PDCD11: variants seen among roughly 807,000 people sequenced by gnomAD.
The protein encoded by PDCD11 is protein RRP5 homolog.
In PDCD11, 97 loss-of-function variants were observed where a neutral mutation model predicts 198.9. The observed-to-expected ratio is 0.49, with a 90% CI of 0.41 to 0.58. The LOEUF (loss-of-function observed/expected upper bound fraction) is 0.58. PDCD11 is among the 20% of genes least tolerant of loss of function. The pLI is 0.00. For missense variants in PDCD11, 2,102 were observed against 2,312.7 expected (o/e 0.91, Z 1.87); for synonymous variants, 893 against 918.0 (o/e 0.97, Z 0.49).
chr10:103,403,037 T>G (rs1359217075), intron 3 of PDCD11, 81 bp from the exon 4 acceptor site: 1 of 1,325,980 alleles, frequency 7.5e-7, no homozygotes, highest in Non-Finnish European at 1.1e-6. Flanking sequence ...GCTTTTAAAT[T>G]GACACTAGAA....
chr10:103,411,053 C>T (rs1347873562), intron 8 of PDCD11, among the ~76,000 whole-genome samples: 1 of 149,696 alleles, frequency 6.7e-6, no homozygotes, highest in South Asian at 2.1e-4. Flanking sequence ...CCAGCCTGAG[C>T]GACAGAGTGA....
chr10:103,426,703 T>C (rs2031708778), intron 20 of PDCD11, among the ~76,000 whole-genome samples: 1 of 151,824 alleles, frequency 6.6e-6, no homozygotes, highest in African/African-American at 2.4e-5. Flanking sequence ...GGAGAATCAC[T>C]TGAACTCAGG....
chr10:103,398,764 A>T (rs1435785716), intron 2 of PDCD11, among the ~76,000 whole-genome samples: 1 of 152,214 alleles, frequency 6.6e-6, no homozygotes, highest in Non-Finnish European at 1.5e-5. Flanking sequence ...CATGCCTGTA[A>T]TCCCAGCAGT....
intron 30 of PDCD11, among the ~76,000 whole-genome samples, chr10:103,441,069 GAATTA>G (rs1002476718): frequency 5.9e-5 from 9 of 152,168 alleles, no homozygotes; most frequent in African/African-American, 2.2e-4. Context: ...GGGTGGAACT[GAATTA>G]AATTAGGAGG....
intron 19 of PDCD11, 81 bp downstream of exon 19, chr10:103,423,739 C>T: frequency 1.1e-6 from 1 of 908,816 alleles, no homozygotes; most frequent in South Asian, 1.4e-5. Context: ...GATTCCAACT[C>T]AGATGCCTGT....
At position 103,416,561 on chromosome 10, in the gene PDCD11, T is replaced by G; in HGVS notation, c.1589T>G (p.Leu530Arg). ...AAAAAAACCCTGATTGAGTCCAAAC[T>G]ACCTGTCATTACCTGCTATGCCGAT... Reference protein sequence around the residue: ...TLKKTLIESKLPVITCYADAK... With the variant: ...TLKKTLIESKRPVITCYADAK... The change falls in exon 13 of 36, where the codon CTA (leucine) becomes CGA (arginine). Residue 530 changes from leucine (L) to arginine (R), a missense_variant. Leu to Arg is a moderately radical substitution (Grantham distance 102). Coordinates refer to ENST00000369797, the MANE Select transcript of PDCD11 (RefSeq NM_014976.2). 6.2e-7 allele frequency: 1 copy of G among 1,614,162 alleles called. No homozygotes were observed.
intron 31 of PDCD11, 45 bp downstream of exon 31, chr10:103,442,020 G>T (rs1249933754): frequency 1.2e-6 from 2 of 1,609,834 alleles, no homozygotes; most frequent in Admixed American, 3.3e-5. Context: ...GGACCCCTTG[G>T]TGTCAGTCTC....
chr10:103,411,036 C>A lies in PDCD11; in HGVS notation c.978+1230C>A, dbSNP rs374620139. On this transcript the variant is annotated intron_variant, in intron 8 of 35. Coordinates refer to ENST00000369797, the MANE Select transcript of PDCD11 (RefSeq NM_014976.2). Reference sequence around the variant, plus strand: ...GTTGCAGTGAGCCGAGATTGTGCCACTGCACCCCAGCCTGAGCGACAGAGT... The same window carrying A: ...GTTGCAGTGAGCCGAGATTGTGCCAATGCACCCCAGCCTGAGCGACAGAGT... Among the ~76,000 whole-genome samples the A allele has an allele frequency of 6.0e-5, 9 of 151,236 alleles. No homozygotes were observed. The East Asian group carries it at 1.2e-3, about 20-fold the overall frequency.
chr10:103,438,660 T>A (rs1383659849), intron 26 of PDCD11, 26 bp from the exon 27 acceptor site: 1 of 1,613,936 alleles, frequency 6.2e-7, no homozygotes, highest in Non-Finnish European at 8.5e-7. Flanking sequence ...GTTAAAGGTG[T>A]GCATGTAAGC....
rs558446728 is a variant in PDCD11, at chr10:103,423,641, A to T, written c.2746A>T (p.Asn916Tyr). Residue 916 changes from asparagine (N) to tyrosine (Y), a missense_variant, in exon 19 of 36, where the codon AAT becomes TAT. Physicochemically the swap from Asn to Tyr is moderately radical, Grantham distance 143. Transcript: ENST00000369797. Reference protein sequence around the residue: ...VHVSLHQDLVNRKARKLRKGS... With the variant: ...VHVSLHQDLVYRKARKLRKGS... ...CGTTTCCCTTCACCAGGACTTGGTG[A>T]ATAGAAAAGCTAGAAAGGTAAGCTT... 1 of 1,610,138 alleles carries T rather than the reference A, an allele frequency of 6.2e-7. No individual in the cohort carries two copies. Among genetic ancestry groups the T allele is most frequent in the African/African-American group, 1.3e-5 (1 of 74,984 alleles).
rs770948565 is a variant in PDCD11 at position 103,417,889 on chromosome 10, C to T, written c.1868C>T (p.Ala623Val). 1 of 1,614,132 alleles carries T rather than the reference C, an allele frequency of 6.2e-7. No individual in the cohort carries two copies. Among genetic ancestry groups the T allele is most frequent in the Admixed American group, 1.7e-5 (1 of 60,012 alleles). ...GATCCAGAGCCAAAGAAAGAGCCTG[C>T]AGGACACAGTCAGAAGAAAGGAAAA... ...SSDPEPKKEP[A>V]GHSQKKGKAI... is the part of the protein sequence containing the mutation. Residue 623 changes from alanine to valine, a missense_variant, in exon 14 of 36, where the codon GCA becomes GTA. Transcript: ENST00000369797.
At position 103,419,770 on chromosome 10, in the gene PDCD11, C is replaced by T. The variant is rs1052740949; in HGVS notation, c.2277+62C>T. 3.2e-5 allele frequency: 46 copies of T among 1,455,944 alleles called. 1 individual carries two copies. In the Middle Eastern group the frequency reaches 1.5e-3, roughly 47 times the overall value. The allele number at this position is 1,455,944 out of a possible 1,614,324, so 90.2% of individuals were successfully genotyped here. Reference sequence around the variant, plus strand: ...GATACAAGGTCACAGAACCTGAGGGCGGGTAGGGAGGAGTAGGATACTTTA... The same window carrying T: ...GATACAAGGTCACAGAACCTGAGGGTGGGTAGGGAGGAGTAGGATACTTTA... On this transcript the variant is annotated intron_variant, in intron 16 of 35. Coordinates refer to ENST00000369797, the MANE Select transcript of PDCD11 (RefSeq NM_014976.2).
intron 21 of PDCD11, among the ~76,000 whole-genome samples, chr10:103,429,640 A>T (rs772193195): frequency 8.5e-5 from 13 of 152,154 alleles, no homozygotes; most frequent in African/African-American, 2.7e-4. Flanking sequence ...TGTAATTTTT[A>T]AAATTACTAT....
Position 103,444,541 on chromosome 10 carries a change from C to T in PDCD11, c.5303C>T (p.Ala1768Val). 1.2e-6 allele frequency: 2 copies of T among 1,614,128 alleles called. No homozygotes were observed. The highest frequency in any genetic ancestry group is 1.7e-6 in the Non-Finnish European group (2 of 1,179,994). The change falls in exon 35 of 36, where the codon GCC becomes GTC. Residue 1768 changes from alanine to valine, a missense_variant. Physicochemically the swap from Ala to Val is moderately conservative, Grantham distance 64 (BLOSUM62 0). Transcript: ENST00000369797. ...KEHVDVIAKF[A>V]QLEFQLGDAE... ...GATGTGGATGTCATTGCCAAGTTTG[C>T]CCAGCTTGAGTTTCAGCTGGGGGAT... is the stretch of plus-strand genomic sequence containing the variant.
chr10:103,434,969 T>C lies in PDCD11; in HGVS notation c.3839T>C (p.Val1280Ala), dbSNP rs1207744879. The C allele has an allele frequency of 1.6e-5, 25 of 1,552,534 alleles. No individual in the cohort carries two copies. The highest frequency in any genetic ancestry group is 2.1e-5 in the Non-Finnish European group (24 of 1,146,828). ...TPLEDFVPQK[V>A]VRCYILSTAD... ...CTGGAAGACTTCGTCCCCCAGAAGGTTGTCAGGTAAGCGAAGTGTTCTTCC... is the reference window on the plus strand; with the variant it reads ...CTGGAAGACTTCGTCCCCCAGAAGGCTGTCAGGTAAGCGAAGTGTTCTTCC... Residue 1280 changes from valine to alanine, a missense_variant, in exon 25 of 36, where the codon GTT becomes GCT. Physicochemically the swap from Val to Ala is moderately conservative, Grantham distance 64. Coordinates refer to ENST00000369797, the MANE Select transcript of PDCD11 (RefSeq NM_014976.2).
At chr10:103,404,960 G>C in intron 4 of PDCD11, 62 bp from the exon 5 acceptor site, 1 of 1,511,724 alleles carries the variant, frequency 6.6e-7, no homozygotes, top group Non-Finnish European at 9.1e-7. Flanking sequence ...CCAAAGCTGG[G>C]TAATGGATTT....
chr10:103,415,881 G>C (rs573390632), intron 12 of PDCD11, among the ~76,000 whole-genome samples: 3 of 152,328 alleles, frequency 2.0e-5, no homozygotes, highest in Non-Finnish European at 2.9e-5. Context: ...GATCCAACAT[G>C]ATGATGCACA....
intron 8 of PDCD11, among the ~76,000 whole-genome samples, chr10:103,410,709 A>G (rs970902040): frequency 6.6e-5 from 10 of 151,068 alleles, no homozygotes; most frequent in Non-Finnish European, 1.0e-4. Context: ...CCTGGACTCA[A>G]TTGATCTCCC....
chr10:103,441,463 C>T (rs1237900173), intron 30 of PDCD11, among the ~76,000 whole-genome samples: 2 of 152,092 alleles, frequency 1.3e-5, no homozygotes, highest in South Asian at 2.1e-4. Context: ...CCATGTTGGC[C>T]GGGCTGGTCT....
Sources: allele counts gnomAD v4.1 joint callset (sites outside exome capture counted in the v4.1 genomes callset), GRCh38; gene constraint gnomAD v4.1.1; transcripts MANE v1.5; gene names NCBI Gene and HGNC (gene_info 2026-07-23, HGNC 2026-07-21).